ACTN2: variants seen among roughly 807,000 people sequenced by gnomAD.
ACTN2 encodes the protein actinin alpha 2.
In ACTN2, 39 loss-of-function variants were observed where a neutral mutation model predicts 113.8. The observed-to-expected ratio is 0.34, with a 90% CI of 0.27 to 0.45. The LOEUF (loss-of-function observed/expected upper bound fraction) is 0.45, where lower values mean the gene tolerates loss of function less well. Among genes scored for constraint, ACTN2 ranks in the 20% least tolerant of loss-of-function variants. ACTN2 has a pLI of 1.00. For synonymous variants in ACTN2, 429 were observed against 444.1 expected (o/e 0.97, Z 0.43); for missense variants, 992 against 1,177.9 (o/e 0.84, Z 2.31).
At chr1:236,750,104 C>A (rs1053879196) in intron 14 of ACTN2, among the ~76,000 whole-genome samples, 1 of 151,760 alleles carries the variant, frequency 6.6e-6, no homozygotes, top group South Asian at 2.1e-4. Flanking sequence ...TAAGTGGTGA[C>A]GTTAGGGAGG....
At chr1:236,689,316 T>G (rs1373709179) in intron 1 of ACTN2, among the ~76,000 whole-genome samples, 4 of 33,682 alleles carry the variant, frequency 1.2e-4, no homozygotes, top group African/African-American at 2.1e-4. Flanking sequence ...TATATATATA[T>G]ATATATATAT....
chr1:236,748,008 G>T (rs1659288134), intron 13 of ACTN2: 1 of 491,162 alleles, frequency 2.0e-6, no homozygotes, highest in Non-Finnish European at 3.7e-6. Flanking sequence ...AAAAATCCAG[G>T]GGTGATGAGA....
At chr1:236,699,713 A>T (rs180822166) in intron 1 of ACTN2, among the ~76,000 whole-genome samples, 1 of 152,346 alleles carries the variant, frequency 6.6e-6, no homozygotes, top group East Asian at 1.9e-4. Flanking sequence ...AAATGGCAGT[A>T]CTGAGAACTC....
Position 236,757,584 on chromosome 1 carries a change from C to T in ACTN2, c.2253C>T (p.Thr751=). The T allele has an allele frequency of 6.2e-7, 1 of 1,614,128 alleles. No homozygotes were observed. Among genetic ancestry groups the T allele is most frequent in the Admixed American group, 1.7e-5 (1 of 60,008 alleles). The change falls in exon 18 of 21, where the codon ACC becomes ACT. Residue 751 remains threonine (T), a synonymous_variant. Coordinates refer to ENST00000366578, the MANE Select transcript of ACTN2 (RefSeq NM_001103.4). ...QILTRDAKGI[T]QEQMNEFRAS... ...TGACGAGAGATGCGAAGGGCATCAC[C>T]CAGGAGCAGATGAATGAGTTCAGAG...
chr1:236,688,109 A>G (rs1311604215), intron 1 of ACTN2, among the ~76,000 whole-genome samples: 1 of 152,180 alleles, frequency 6.6e-6, no homozygotes, highest in Non-Finnish European at 1.5e-5. Flanking sequence ...AGGATTACTA[A>G]TGTGTCATCT....
intron 12 of ACTN2, among the ~76,000 whole-genome samples, chr1:236,745,768 TATA>T (rs1659214363): frequency 6.6e-6 from 1 of 152,132 alleles, no homozygotes; most frequent in African/African-American, 2.4e-5. Context: ...TCCCCACCAT[TATA>T]ATCACTGATA....
intron 6 of ACTN2, 49 bp downstream of exon 6, chr1:236,727,805 C>A (rs377156735): frequency 1.4e-4 from 216 of 1,572,024 alleles, no homozygotes; most frequent in Middle Eastern, 1.3e-3. Context: ...CGCGTCTCAG[C>A]ATGTCCTGCA....
chr1:236,723,890 A>G (rs1365022817), intron 4 of ACTN2, among the ~76,000 whole-genome samples: 1 of 152,216 alleles, frequency 6.6e-6, no homozygotes, highest in East Asian at 1.9e-4. Context: ...TAAATTGTTA[A>G]CATTTAAATA....
At chr1:236,717,799 G>A in intron 1 of ACTN2, 59 bp from the exon 2 acceptor site, 2 of 1,213,010 alleles carry the variant, frequency 1.6e-6, no homozygotes, top group Non-Finnish European at 2.4e-6. Flanking sequence ...TGTCGTCTGT[G>A]AGGAAGGGAT....
At chr1:236,715,399 T>C (rs892595926) in intron 1 of ACTN2, among the ~76,000 whole-genome samples, 1 of 147,024 alleles carries the variant, frequency 6.8e-6, no homozygotes, top group African/African-American at 2.5e-5. Context: ...TGTTAAAAAA[T>C]AAGTAATGAA....
In ACTN2 at chr1:236,763,051, A is replaced by G. The variant is rs1009951324; in HGVS notation, c.*432A>G. The stretch of plus-strand genomic sequence containing the variant: ...GTAAAAAATTTCATTTATCTCTAAT[A>G]TGCTTATGTGATTGCCCCTAGGGGA... On this transcript the variant is annotated 3_prime_UTR_variant, in exon 21 of 21. Transcript: ENST00000366578. The G allele has an allele frequency of 3.3e-6, 1 of 307,284 alleles. No homozygotes were observed. Among genetic ancestry groups the G allele is most frequent in the Non-Finnish European group, 6.3e-6 (1 of 158,496 alleles). The allele number at this position is 307,284 out of a possible 1,614,324, so 19.0% of individuals were successfully genotyped here. A position where few individuals can be genotyped will look rare whatever the true frequency, so the allele number is the denominator to read the frequency against.
intron 19 of ACTN2, among the ~76,000 whole-genome samples, chr1:236,760,341 T>C (rs1659669209): frequency 6.6e-6 from 1 of 152,224 alleles, no homozygotes; most frequent in Admixed American, 6.5e-5. Context: ...ATAGGCTTTT[T>C]GATTGTTTTA....
intron 1 of ACTN2, among the ~76,000 whole-genome samples, chr1:236,698,913 A>G (rs369533150): frequency 2.0e-4 from 30 of 152,316 alleles, no homozygotes; most frequent in African/African-American, 7.0e-4. Flanking sequence ...TATTTTAGCT[A>G]GGCTCAAGTT....
intron 15 of ACTN2, among the ~76,000 whole-genome samples, chr1:236,753,337 A>G (rs1339951155): frequency 6.6e-6 from 1 of 152,242 alleles, no homozygotes; most frequent in African/African-American, 2.4e-5. Flanking sequence ...CACGTTTAAA[A>G]CCAAGAACTA....
At chr1:236,697,851 C>T (rs1657560839) in intron 1 of ACTN2, among the ~76,000 whole-genome samples, 1 of 151,114 alleles carries the variant, frequency 6.6e-6, no homozygotes, top group South Asian at 2.1e-4. Flanking sequence ...GCAACTTTCG[C>T]CTCCCAGGTT....
At chr1:236,731,004 G>T (rs1289291443) in intron 6 of ACTN2, among the ~76,000 whole-genome samples, 4 of 152,190 alleles carry the variant, frequency 2.6e-5, no homozygotes, top group Admixed American at 2.6e-4. Flanking sequence ...TAAACTCTTT[G>T]TTCACACTTT....
chr1:236,719,107 C>T, intron 3 of ACTN2, 94 bp downstream of exon 3: 2 of 1,553,184 alleles, frequency 1.3e-6, no homozygotes, highest in South Asian at 2.3e-5. Context: ...CCCTCCCTTT[C>T]ACCATTTACT....
At chr1:236,709,979 A>G (rs1349839291) in intron 1 of ACTN2, among the ~76,000 whole-genome samples, 3 of 152,258 alleles carry the variant, frequency 2.0e-5, no homozygotes, top group African/African-American at 7.2e-5. Context: ...AGAAAATGGA[A>G]TGATGAAGGT....
chr1:236,697,834 G>A (rs993521324), intron 1 of ACTN2, among the ~76,000 whole-genome samples: 2 of 150,832 alleles, frequency 1.3e-5, no homozygotes, highest in East Asian at 1.9e-4. Flanking sequence ...CACGATCTTG[G>A]CTCAATGCAA....
Sources: allele counts gnomAD v4.1 joint callset (sites outside exome capture counted in the v4.1 genomes callset), GRCh38; gene constraint gnomAD v4.1.1; transcripts MANE v1.5; gene names NCBI Gene and HGNC (gene_info 2026-07-23, HGNC 2026-07-21).